Variants in FAM135B observed in about 807,000 individuals in gnomAD.
The protein encoded by FAM135B is protein FAM135B.
In FAM135B, 43 loss-of-function variants were observed where a neutral mutation model predicts 127.7. The ratio of observed to expected loss-of-function variants is 0.34; its 90% CI spans 0.26 to 0.43. The LOEUF (loss-of-function observed/expected upper bound fraction) is 0.43, where lower values mean the gene tolerates loss of function less well. Among genes scored for constraint, FAM135B ranks in the 20% least tolerant of loss-of-function variants. The pLI is 1.00. For synonymous variants in FAM135B, 670 were observed against 665.1 expected, an observed-to-expected ratio of 1.01 and a Z score of -0.11; for missense variants, 1,558 against 1,725.6, an observed-to-expected ratio of 0.90 and a Z score of 1.72.
intron 3 of FAM135B, among the ~76,000 whole-genome samples, chr8:138,289,478 G>A (rs570382602): frequency 1.3e-5 from 2 of 152,346 alleles, no homozygotes; most frequent in African/African-American, 4.8e-5. Context: ...CCCCAAAGCT[G>A]TGGCCCTGGA....
Position 138,416,321 on chromosome 8 carries a change from G to T in FAM135B, c.-19-48319C>A, listed in dbSNP as rs75745787. On this transcript the variant is annotated intron_variant, in intron 1 of 19. Coordinates refer to ENST00000395297, the MANE Select transcript of FAM135B (RefSeq NM_015912.4). ...CCTAACCTCCCTGAACCTTTAATTT[G>T]CAAAATGAGATATTAATGTTGTCAC... 4.8e-3 allele frequency among the ~76,000 whole-genome samples: 729 copies of T among 152,222 alleles called. 5 individuals are homozygous for T. Among genetic ancestry groups the T allele is most frequent in the Non-Finnish European group, 7.7e-3 (523 of 68,008 alleles).
At chr8:138,271,854 A>C (rs1823401944) in intron 3 of FAM135B, among the ~76,000 whole-genome samples, 1 of 152,148 alleles carries the variant, frequency 6.6e-6, no homozygotes, top group Non-Finnish European at 1.5e-5. Flanking sequence ...TACTGGTCTA[A>C]ATTCTAGATA....
intron 9 of FAM135B, among the ~76,000 whole-genome samples, chr8:138,180,539 G>A (rs1814915797): frequency 6.6e-6 from 1 of 152,118 alleles, no homozygotes; most frequent in African/African-American, 2.4e-5. Context: ...CAAGTCCAAT[G>A]CCTAGCTTGA....
At chr8:138,354,872 A>C (rs1033645891) in intron 2 of FAM135B, among the ~76,000 whole-genome samples, 1 of 152,062 alleles carries the variant, frequency 6.6e-6, no homozygotes, top group African/African-American at 2.4e-5. Flanking sequence ...CTCTTTTCTC[A>C]TTCACTCTCT....
intron 1 of FAM135B, among the ~76,000 whole-genome samples, chr8:138,399,899 A>G (rs775199768): frequency 1.3e-5 from 2 of 152,222 alleles, no homozygotes; most frequent in Non-Finnish European, 2.9e-5. Flanking sequence ...AAAAGCCATA[A>G]TTGCAGAAGG....
intron 1 of FAM135B, among the ~76,000 whole-genome samples, chr8:138,444,194 T>C (rs1194987823): frequency 6.6e-6 from 1 of 151,920 alleles, no homozygotes; most frequent in Non-Finnish European, 1.5e-5. Context: ...TCCCACACAA[T>C]AATAATGGGA....
chr8:138,249,738 A>G (rs1821560340), intron 6 of FAM135B, among the ~76,000 whole-genome samples: 2 of 152,214 alleles, frequency 1.3e-5, no homozygotes, highest in South Asian at 4.1e-4. Flanking sequence ...AGTCTCCTGT[A>G]CATGCACCTA....
At chr8:138,249,211 A>T (rs1396266656) in intron 6 of FAM135B, among the ~76,000 whole-genome samples, 1 of 152,166 alleles carries the variant, frequency 6.6e-6, no homozygotes, top group Non-Finnish European at 1.5e-5. Context: ...GTGCATTAGC[A>T]GCTAGGGAAT....
At chr8:138,205,480 G>C (rs1026288481) in intron 7 of FAM135B, among the ~76,000 whole-genome samples, 2 of 152,204 alleles carry the variant, frequency 1.3e-5, no homozygotes, top group African/African-American at 2.4e-5. Flanking sequence ...AAGGAAACCA[G>C]CTTCATCAAT....
At chr8:138,476,048 T>C (rs1161387744) in intron 1 of FAM135B, among the ~76,000 whole-genome samples, 5 of 152,070 alleles carry the variant, frequency 3.3e-5, no homozygotes, top group Non-Finnish European at 1.5e-5. Flanking sequence ...AAATAAGCTA[T>C]GGAGCCATGG....
At chr8:138,369,384 G>A (rs1830973101) in intron 1 of FAM135B, among the ~76,000 whole-genome samples, 2 of 152,160 alleles carry the variant, frequency 1.3e-5, no homozygotes. Flanking sequence ...CAACCTCACT[G>A]CAGTTAACAG....
chr8:138,427,483 G>A (rs1241148476), intron 1 of FAM135B, among the ~76,000 whole-genome samples: 3 of 151,820 alleles, frequency 2.0e-5, no homozygotes, highest in Non-Finnish European at 1.5e-5. Context: ...TCTGAACCTT[G>A]ACCTATGAGA....
chr8:138,293,227 T>C (rs950230179), intron 3 of FAM135B, among the ~76,000 whole-genome samples: 4 of 152,124 alleles, frequency 2.6e-5, no homozygotes, highest in African/African-American at 9.7e-5. Context: ...AATCCTTATC[T>C]CTCACCTTAT....
intron 13 of FAM135B, 81 bp from the exon 14 acceptor site, chr8:138,148,767 G>A (rs2130697104): frequency 9.1e-7 from 1 of 1,096,498 alleles, no homozygotes; most frequent in East Asian, 2.5e-5. Context: ...GTATGTAGAA[G>A]GGCTGAGCAC....
rs552305007 is a variant in FAM135B at position 138,432,781 on chromosome 8, T to G, written c.-20+63890A>C. On this transcript the variant is annotated intron_variant, in intron 1 of 19. Coordinates refer to ENST00000395297, the MANE Select transcript of FAM135B (RefSeq NM_015912.4). ...ATGTACCATGACATCTAACACAGAG[T>G]GAACACACAGTACATTCTTGATGAA... Among the ~76,000 whole-genome samples, 8 of 152,012 alleles carry G rather than the reference T, an allele frequency of 5.3e-5. 1 individual carries two copies. The South Asian group carries it at 1.5e-3, about 28-fold the overall frequency.
intron 1 of FAM135B, among the ~76,000 whole-genome samples, chr8:138,442,267 T>TATATATATATATATATGC (rs34280434): frequency 3.5e-5 from 3 of 86,762 alleles, no homozygotes; most frequent in African/African-American, 1.3e-4. Flanking sequence ...TATATATATA[T>TATATATATATATATATGC]ATATATATAT....
At chr8:138,182,321 T>G (rs1360763017) in intron 9 of FAM135B, among the ~76,000 whole-genome samples, 1 of 152,178 alleles carries the variant, frequency 6.6e-6, no homozygotes, top group Admixed American at 6.5e-5. Flanking sequence ...ATGGCGAGCT[T>G]GGAAGGGTTT....
chr8:138,217,146 C>A (rs1818609145), intron 7 of FAM135B, among the ~76,000 whole-genome samples: 1 of 152,172 alleles, frequency 6.6e-6, no homozygotes, highest in Non-Finnish European at 1.5e-5. Flanking sequence ...TTATCTAATG[C>A]CTGACGAATA....
chr8:138,276,317 A>T (rs929077934), intron 3 of FAM135B, among the ~76,000 whole-genome samples: 2 of 152,206 alleles, frequency 1.3e-5, no homozygotes, highest in Non-Finnish European at 2.9e-5. Context: ...TCAGAGCTGC[A>T]GTGTCCCCAC....
Sources: allele counts gnomAD v4.1 joint callset (sites outside exome capture counted in the v4.1 genomes callset), GRCh38; gene constraint gnomAD v4.1.1; transcripts MANE v1.5; gene names NCBI Gene and HGNC (gene_info 2026-07-23, HGNC 2026-07-21).